PARVA: variants seen among roughly 807,000 people sequenced by gnomAD.
The protein encoded by PARVA is parvin alpha, also known as alpha-parvin.
PARVA carries 25 observed loss-of-function variants against 52.6 expected under a neutral mutation model. The observed-to-expected ratio is 0.48, with a 90% confidence interval of 0.35 to 0.66. PARVA has a LOEUF of 0.66. PARVA is among the 30% of genes least tolerant of loss of function. The pLI, the probability that PARVA is intolerant of heterozygous loss-of-function variation, is 0.01. For missense variants in PARVA, 373 were observed against 450.9 expected (o/e 0.83, Z 1.56); for synonymous variants, 185 against 179.1 (o/e 1.03, Z -0.26).
chr11:12,380,809 TCTGCC>T (rs1939474559), intron 1 of PARVA, among the ~76,000 whole-genome samples: 1 of 152,166 alleles, frequency 6.6e-6, no homozygotes, highest in African/African-American at 2.4e-5. Flanking sequence ...CTCTAACTAT[TCTGCC>T]AGCCACGTCG....
chr11:12,461,962 G>A (rs1286166519), intron 1 of PARVA, among the ~76,000 whole-genome samples: 2 of 152,244 alleles, frequency 1.3e-5, no homozygotes, highest in Admixed American at 6.5e-5. Flanking sequence ...ACCAAGAGCT[G>A]GTTCCCATGT....
chr11:12,526,736 G>A (rs1048502996), intron 12 of PARVA, among the ~76,000 whole-genome samples: 9 of 152,096 alleles, frequency 5.9e-5, no homozygotes, highest in Non-Finnish European at 1.2e-4. Flanking sequence ...TATTACCTAA[G>A]TATGCATTCC....
intron 1 of PARVA, among the ~76,000 whole-genome samples, chr11:12,440,318 C>T (rs962635118): frequency 3.3e-5 from 5 of 152,158 alleles, no homozygotes; most frequent in South Asian, 2.1e-4. Flanking sequence ...TGTAGGAAGC[C>T]GGTCAAGATC....
intron 1 of PARVA, among the ~76,000 whole-genome samples, chr11:12,458,232 C>T (rs1054058307): frequency 6.6e-6 from 1 of 152,204 alleles, no homozygotes; most frequent in East Asian, 1.9e-4. Flanking sequence ...CCAGAAGAGT[C>T]GTAAAGCATG....
intron 1 of PARVA, among the ~76,000 whole-genome samples, chr11:12,459,248 T>A: frequency 6.7e-6 from 1 of 149,638 alleles, no homozygotes; most frequent in African/African-American, 2.5e-5. Context: ...CAACAAAAAA[T>A]ACAAAAATTA....
chr11:12,493,455 CTAAAA>C (rs71037072), intron 4 of PARVA, among the ~76,000 whole-genome samples: 33,535 of 150,536 alleles, frequency 0.22, 4,267 homozygotes, highest in Middle Eastern at 0.33. Context: ...AATGCCTAAA[CTAAAA>C]TATCGAACAG....
At chr11:12,437,640 G>A (rs1940404617) in intron 1 of PARVA, among the ~76,000 whole-genome samples, 1 of 152,198 alleles carries the variant, frequency 6.6e-6, no homozygotes, top group South Asian at 2.1e-4. Context: ...TAGGGATGAT[G>A]CTATGTTGGG....
chr11:12,409,799 T>G (rs1009670307), intron 1 of PARVA, among the ~76,000 whole-genome samples: 1 of 152,258 alleles, frequency 6.6e-6, no homozygotes, highest in Admixed American at 6.5e-5. Context: ...AAGCATTTAC[T>G]AATTTGTTAG....
At chr11:12,416,858 A>G (rs1472291012) in intron 1 of PARVA, among the ~76,000 whole-genome samples, 1 of 152,114 alleles carries the variant, frequency 6.6e-6, no homozygotes, top group Non-Finnish European at 1.5e-5. Flanking sequence ...GGCTGATCAC[A>G]AGGTGGGTCG....
rs1033367243 is a variant in PARVA at position 12,513,863 on chromosome 11, G to T, written c.799-134G>T. On this transcript the variant is annotated intron_variant, in intron 9 of 12. Transcript: ENST00000334956. ...ATGGCCTTTGCAGAGAGAGCTCCTG[G>T]GCCCAGGGCTCTTGGCTGGGCCTGA... is the stretch of plus-strand genomic sequence containing the variant. 5 of 742,248 alleles carry T rather than the reference G, an allele frequency of 6.7e-6. No individual in the cohort carries two copies. In the African/African-American group the frequency reaches 8.8e-5, roughly 13 times the overall value. The allele number at this position is 742,248 out of a possible 1,614,324, so 46.0% of individuals were successfully genotyped here.
chr11:12,414,334 G>T (rs1940034232), intron 1 of PARVA, among the ~76,000 whole-genome samples: 1 of 152,204 alleles, frequency 6.6e-6, no homozygotes, highest in Non-Finnish European at 1.5e-5. Flanking sequence ...GACTTAGTTT[G>T]CTGAGTTTTA....
At chr11:12,414,483 C>G (rs4491200) in intron 1 of PARVA, among the ~76,000 whole-genome samples, 38,197 of 152,140 alleles carry the variant, frequency 0.25, 6,421 homozygotes, top group African/African-American at 0.47. Flanking sequence ...AGGATCTTAA[C>G]GCTCTAAAAC....
chr11:12,531,128 C>T lies in PARVA; in HGVS notation c.*3203C>T, dbSNP rs896012949. Among the ~76,000 whole-genome samples the T allele has an allele frequency of 1.3e-5, 2 of 152,316 alleles. No individual in the cohort carries two copies. The highest frequency in any genetic ancestry group is 1.3e-4 in the Admixed American group (2 of 15,302). ...TTACTACATACGCTATAATACTGTACTATAAAGTCTAGCTGCCAGCAATGC... is the reference window on the plus strand; with the variant it reads ...TTACTACATACGCTATAATACTGTATTATAAAGTCTAGCTGCCAGCAATGC... On this transcript the variant is annotated 3_prime_UTR_variant, in exon 13 of 13. Coordinates refer to ENST00000334956, the MANE Select transcript of PARVA (RefSeq NM_018222.5).
intron 1 of PARVA, among the ~76,000 whole-genome samples, chr11:12,464,845 A>G (rs1451903654): frequency 6.6e-6 from 1 of 152,112 alleles, no homozygotes; most frequent in African/African-American, 2.4e-5. Context: ...GTAGTCCCCA[A>G]CCTTTTTGGC....
chr11:12,452,859 CA>C (rs1940642796), intron 1 of PARVA: 7 of 344,702 alleles, frequency 2.0e-5, no homozygotes, highest in South Asian at 1.6e-4. Flanking sequence ...TTGTGCCGAG[CA>C]GGAGGCATTC....
chr11:12,515,967 G>A (rs1017943208), intron 10 of PARVA, among the ~76,000 whole-genome samples: 11 of 152,190 alleles, frequency 7.2e-5, no homozygotes, highest in African/African-American at 2.2e-4. Context: ...CTCCTGAGCA[G>A]CTGGGACTAC....
chr11:12,449,215 G>A (rs1482635846), intron 1 of PARVA, among the ~76,000 whole-genome samples: 8 of 151,736 alleles, frequency 5.3e-5, no homozygotes, highest in East Asian at 1.9e-4. Flanking sequence ...GGGCAGTGGC[G>A]CAATCTCGGC....
rs1589987854 is a variant in PARVA at position 12,513,901 on chromosome 11, A to C, written c.799-96A>C. ...TGGCTGGGCCTGATCCTCTGCTTTC[A>C]CCCTCACCCTTGCCCTCACGGGAGT... On this transcript the variant is annotated intron_variant, in intron 9 of 12. Transcript: ENST00000334956. The C allele has an allele frequency of 4.5e-6, 5 of 1,107,380 alleles. No individual in the cohort carries two copies. The South Asian group carries it at 5.3e-5, about 12-fold the overall frequency. 68.6% of individuals were successfully genotyped at this position (1,107,380 alleles called of 1,614,324 possible). A position where few individuals can be genotyped will look rare whatever the true frequency, so the allele number is the denominator to read the frequency against.
At chr11:12,427,849 A>G (rs1940260365) in intron 1 of PARVA, among the ~76,000 whole-genome samples, 1 of 152,224 alleles carries the variant, frequency 6.6e-6, no homozygotes, top group East Asian at 1.9e-4. Context: ...TCTCAAACTG[A>G]GAGATGAGGA....
Sources: gnomAD v4.1 joint callset for allele counts (sites outside exome capture counted in the v4.1 genomes callset) on GRCh38, gnomAD v4.1.1 for gene constraint, MANE v1.5 for transcripts, NCBI Gene and HGNC (gene_info 2026-07-23, HGNC 2026-07-21) for gene names.